The following LAMA2 variants were observed in gnomAD, a reference collection of about 807,000 sequenced individuals.
LAMA2 encodes the protein laminin subunit alpha 2, also known as laminin subunit alpha-2.
A neutral mutation model predicts 364.8 loss-of-function variants in LAMA2; 269 were observed. That is an observed-to-expected ratio of 0.74 (90% CI 0.67 to 0.82). The LOEUF (loss-of-function observed/expected upper bound fraction) is 0.82. LAMA2 is among the 40% of genes least tolerant of loss of function. The probability of loss-of-function intolerance (pLI) is 0.00; values close to 1 mark genes in which losing one functional copy is unlikely to be tolerated. For missense variants in LAMA2, 3,807 were observed against 3,873.2 expected, an observed-to-expected ratio of 0.98 and a Z score of 0.45; for synonymous variants, 1,379 against 1,370.6, an observed-to-expected ratio of 1.01 and a Z score of -0.14.
intron 9 of LAMA2, among the ~76,000 whole-genome samples, chr6:129,168,991 T>G (rs1218946976): frequency 1.3e-5 from 2 of 152,236 alleles, no homozygotes; most frequent in Non-Finnish European, 2.9e-5. Context: ...AGAATGCTTG[T>G]GACTTTTGTA....
intron 17 of LAMA2, among the ~76,000 whole-genome samples, chr6:129,279,115 A>T (rs1788527352): frequency 6.6e-6 from 1 of 152,196 alleles, no homozygotes; most frequent in African/African-American, 2.4e-5. Flanking sequence ...CTTAGGGAAA[A>T]CATAATAAGA....
intron 1 of LAMA2, among the ~76,000 whole-genome samples, chr6:129,025,499 C>G (rs1388600175): frequency 5.9e-5 from 9 of 152,076 alleles, no homozygotes; most frequent in Admixed American, 5.9e-4. Context: ...TTTAACATAT[C>G]TAGAGGCAAC....
intron 1 of LAMA2, among the ~76,000 whole-genome samples, chr6:129,023,218 CTT>C (rs1323966994): frequency 6.6e-6 from 1 of 152,138 alleles, no homozygotes; most frequent in East Asian, 1.9e-4. Flanking sequence ...TTTTCTCTAT[CTT>C]TGCTGAATTC....
At chr6:129,375,804 C>A (rs942875326) in intron 34 of LAMA2, among the ~76,000 whole-genome samples, 4 of 152,194 alleles carry the variant, frequency 2.6e-5, no homozygotes, top group African/African-American at 9.7e-5. Flanking sequence ...ATGTGCCTTA[C>A]TATGGATTGG....
chr6:129,306,349 T>TG (rs1773873339), intron 22 of LAMA2, among the ~76,000 whole-genome samples: 5 of 149,830 alleles, frequency 3.3e-5, no homozygotes, highest in East Asian at 3.9e-4. Flanking sequence ...AGAAAGGTGT[T>TG]TTTTTTTTTT....
At chr6:128,998,366 A>G (rs1390906018) in intron 1 of LAMA2, among the ~76,000 whole-genome samples, 2 of 152,174 alleles carry the variant, frequency 1.3e-5, no homozygotes, top group African/African-American at 4.8e-5. Flanking sequence ...TATTGTTTCT[A>G]AGTCAGAAGT....
At chr6:129,357,256 A>G (rs920306696) in intron 32 of LAMA2, among the ~76,000 whole-genome samples, 2 of 152,082 alleles carry the variant, frequency 1.3e-5, no homozygotes, top group Non-Finnish European at 2.9e-5. Flanking sequence ...CTGTAAACTC[A>G]TATCATTAAC....
intron 46 of LAMA2, 37 bp from the exon 47 acceptor site, chr6:129,454,118 A>G: frequency 6.3e-7 from 1 of 1,596,086 alleles, no homozygotes; most frequent in South Asian, 1.1e-5. Flanking sequence ...GGTGCTTTAT[A>G]TCTGATATCT....
intron 12 of LAMA2, among the ~76,000 whole-genome samples, chr6:129,231,669 C>T (rs927524809): frequency 6.6e-6 from 1 of 152,158 alleles, no homozygotes; most frequent in East Asian, 1.9e-4. Flanking sequence ...ATTCCTTTGT[C>T]CTTTAGTTCC....
chr6:129,196,845 A>G (rs1781880760), intron 12 of LAMA2, among the ~76,000 whole-genome samples: 1 of 152,224 alleles, frequency 6.6e-6, no homozygotes, highest in Admixed American at 6.5e-5. Context: ...GCTGCCTAGA[A>G]TAAACTGAAT....
At chr6:129,299,528 G>A (rs892761348) in intron 21 of LAMA2, among the ~76,000 whole-genome samples, 13 of 152,040 alleles carry the variant, frequency 8.6e-5, no homozygotes, top group Admixed American at 3.3e-4. Flanking sequence ...TTATGATTCC[G>A]CTGAAGAACT....
At chr6:129,095,385 C>A (rs1775111037) in intron 3 of LAMA2, among the ~76,000 whole-genome samples, 2 of 152,078 alleles carry the variant, frequency 1.3e-5, no homozygotes, top group Non-Finnish European at 2.9e-5. Flanking sequence ...ATACAGCATT[C>A]CTATATAAAA....
chr6:129,130,835 A>G (rs1234032006), intron 4 of LAMA2, among the ~76,000 whole-genome samples: 1 of 152,236 alleles, frequency 6.6e-6, no homozygotes, highest in Non-Finnish European at 1.5e-5. Flanking sequence ...GATTAATGTT[A>G]GCTTCTTGTT....
In LAMA2 at chr6:129,005,643, T is replaced by G. The variant is rs988805022; in HGVS notation, c.113-44275T>G. Among the ~76,000 whole-genome samples the G allele has an allele frequency of 1.3e-4, 20 of 151,564 alleles. No individual in the cohort carries two copies. The South Asian group carries it at 3.9e-3, about 30-fold the overall frequency. ...GAGGGACTATCACATTATTTTATAC[T>G]GAAAAGTTGTTCAATTATTCTAAAG... On this transcript the variant is annotated intron_variant, in intron 1 of 64. Transcript: ENST00000421865.
At chr6:129,465,044 A>T (rs1449660024) in intron 50 of LAMA2, 101 bp from the exon 51 acceptor site, 2 of 922,578 alleles carry the variant, frequency 2.2e-6, no homozygotes, top group Non-Finnish European at 3.6e-6. Flanking sequence ...CATATTCAGC[A>T]ATTTAGCCAC....
chr6:128,990,484 A>T (rs973330243), intron 1 of LAMA2, among the ~76,000 whole-genome samples: 1 of 152,056 alleles, frequency 6.6e-6, no homozygotes, highest in Non-Finnish European at 1.5e-5. Context: ...CTGTGCTTCA[A>T]CTCCCTATTA....
intron 1 of LAMA2, among the ~76,000 whole-genome samples, chr6:128,985,557 T>C (rs1783172752): frequency 6.6e-6 from 1 of 152,176 alleles, no homozygotes. Context: ...GACATTGATC[T>C]TCCAATGCCT....
At chr6:129,044,712 G>A (rs1787351243) in intron 1 of LAMA2, among the ~76,000 whole-genome samples, 1 of 151,840 alleles carries the variant, frequency 6.6e-6, no homozygotes, top group Admixed American at 6.6e-5. Context: ...AACTTATTTA[G>A]TCTAGTGCTA....
chr6:129,446,884 A>C (rs1782413616), intron 45 of LAMA2, among the ~76,000 whole-genome samples: 1 of 152,186 alleles, frequency 6.6e-6, no homozygotes, highest in African/African-American at 2.4e-5. Flanking sequence ...TGACTGAAAA[A>C]AAACCTAGAA....
Sources: gnomAD v4.1 joint callset for allele counts (sites outside exome capture counted in the v4.1 genomes callset) on GRCh38, gnomAD v4.1.1 for gene constraint, MANE v1.5 for transcripts, NCBI Gene and HGNC (gene_info 2026-07-23, HGNC 2026-07-21) for gene names.